ARHGAP11A: variants seen among roughly 807,000 people sequenced by gnomAD.
The protein encoded by ARHGAP11A is rho GTPase-activating protein 11A.
A neutral mutation model predicts 60.5 loss-of-function variants in ARHGAP11A; 36 were observed. The observed-to-expected ratio is 0.59, with a 90% CI of 0.46 to 0.79. The LOEUF (loss-of-function observed/expected upper bound fraction) is 0.79. ARHGAP11A is among the 30% of genes least tolerant of loss of function. ARHGAP11A has a pLI of 0.00. For missense variants in ARHGAP11A, 1,071 were observed against 1,199.2 expected, an observed-to-expected ratio of 0.89 and a Z score of 1.58; for synonymous variants, 362 against 415.5, an observed-to-expected ratio of 0.87 and a Z score of 1.57.
intron 8 of ARHGAP11A, among the ~76,000 whole-genome samples, chr15:32,631,976 G>A (rs571460044): frequency 1.3e-5 from 2 of 152,186 alleles, no homozygotes; most frequent in South Asian, 4.1e-4. Context: ...TGCCTGGCCG[G>A]ACACATTTTT....
Position 32,637,935 on chromosome 15 carries a change from G to A in ARHGAP11A, c.*90G>A, listed in dbSNP as rs2140481865. ...ATGTACATGTTAGTTTGTAGCTCAG[G>A]ATGATTGTTAAGCAATAGATTTGCT... is the stretch of plus-strand genomic sequence containing the variant. On this transcript the variant is annotated 3_prime_UTR_variant, in exon 12 of 12. Coordinates refer to ENST00000361627, the MANE Select transcript of ARHGAP11A (RefSeq NM_014783.6). 3 of 1,143,666 alleles carry A rather than the reference G, an allele frequency of 2.6e-6. No individual in the cohort carries two copies. The highest frequency in any genetic ancestry group is 1.7e-5 in the South Asian group (1 of 58,934). The allele number at this position is 1,143,666 out of a possible 1,614,324, so 70.8% of individuals were successfully genotyped here.
intron 8 of ARHGAP11A, among the ~76,000 whole-genome samples, chr15:32,632,115 T>C (rs920949523): frequency 5.9e-5 from 9 of 152,242 alleles, no homozygotes; most frequent in Admixed American, 1.3e-4. Flanking sequence ...TTTTCCGTTT[T>C]CATAATTGAA....
Position 32,629,288 on chromosome 15 carries a change from A to T in ARHGAP11A, c.938-307A>T, listed in dbSNP as rs1238704681. 1.1e-4 allele frequency among the ~76,000 whole-genome samples: 16 copies of T among 146,610 alleles called. No homozygotes were observed. In the Admixed American group the frequency reaches 1.1e-3, roughly 10 times the overall value. On this transcript the variant is annotated intron_variant, in intron 7 of 11. Coordinates refer to ENST00000361627, the MANE Select transcript of ARHGAP11A (RefSeq NM_014783.6). ...TAATATTTAGATTAGTTTTTGTTTCAACTCCTTGATTGTAATTTCTTCCTT... is the reference window on the plus strand; with the variant it reads ...TAATATTTAGATTAGTTTTTGTTTCTACTCCTTGATTGTAATTTCTTCCTT...
At chr15:32,635,943 T>G (rs759126816) in intron 11 of ARHGAP11A, 28 bp downstream of exon 11, 2 of 1,557,722 alleles carry the variant, frequency 1.3e-6, no homozygotes. Context: ...TGTTAGAGTT[T>G]TACCTAAAAA....
intron 6 of ARHGAP11A, among the ~76,000 whole-genome samples, chr15:32,625,903 C>T (rs958728814): frequency 6.6e-6 from 1 of 152,138 alleles, no homozygotes; most frequent in Non-Finnish European, 1.5e-5. Flanking sequence ...CAAACTGAAC[C>T]TTCTTGAATA....
At chr15:32,630,655 T>G (rs1032876712) in intron 8 of ARHGAP11A, among the ~76,000 whole-genome samples, 1 of 152,008 alleles carries the variant, frequency 6.6e-6, no homozygotes, top group Non-Finnish European at 1.5e-5. Flanking sequence ...CCAAAGCCTG[T>G]CTCTTTTTTC....
intron 7 of ARHGAP11A, among the ~76,000 whole-genome samples, chr15:32,629,307 C>A (rs2053536481): frequency 6.8e-6 from 1 of 146,362 alleles, no homozygotes; most frequent in Non-Finnish European, 1.5e-5. Context: ...ATTGTAATTT[C>A]TTCCTTACAT....
At chr15:32,621,455 G>A (rs2053303851) in intron 2 of ARHGAP11A, among the ~76,000 whole-genome samples, 1 of 152,200 alleles carries the variant, frequency 6.6e-6, no homozygotes, top group Non-Finnish European at 1.5e-5. Flanking sequence ...CTCCCAAAGT[G>A]CTAGGATTAC....
At position 32,617,268 on chromosome 15, in the gene ARHGAP11A, C is replaced by T. The variant is rs926037343; in HGVS notation, c.129+928C>T. 9.9e-5 allele frequency among the ~76,000 whole-genome samples: 15 copies of T among 152,006 alleles called. No homozygotes were observed. The East Asian group carries it at 2.7e-3, about 27-fold the overall frequency. On this transcript the variant is annotated intron_variant, in intron 1 of 11. Coordinates refer to ENST00000361627, the MANE Select transcript of ARHGAP11A (RefSeq NM_014783.6). Reference sequence around the variant, plus strand: ...ACCACTAACAAAAGTAATATGTGTGCCTCTTAATCGCTGATAAACTTTGGA... The same window carrying T: ...ACCACTAACAAAAGTAATATGTGTGTCTCTTAATCGCTGATAAACTTTGGA...
In ARHGAP11A at chr15:32,625,612, A is replaced by C. The variant is rs370215647; in HGVS notation, c.841A>C (p.Lys281Gln). The part of the protein sequence containing the change: ...EYETPGEYKR[K>Q]RRQSVGDFVS... ...TGAAACTCCTGGTGAATATAAGAGA[A>C]AGAGAAGACAAAGTGTAGGAGGTAA... The change falls in exon 6 of 12, where the codon AAG becomes CAG. Residue 281 changes from lysine to glutamine, a missense_variant. Coordinates refer to ENST00000361627, the MANE Select transcript of ARHGAP11A (RefSeq NM_014783.6). 2 of 1,613,974 alleles carry C rather than the reference A, an allele frequency of 1.2e-6. No individual in the cohort carries two copies. The highest frequency in any genetic ancestry group is 1.7e-6 in the Non-Finnish European group (2 of 1,179,840).
intron 1 of ARHGAP11A, 93 bp downstream of exon 1, chr15:32,616,433 G>A: frequency 6.4e-7 from 1 of 1,564,084 alleles, no homozygotes; most frequent in Admixed American, 1.8e-5. Flanking sequence ...TTCACTCTGT[G>A]TATCAAAAAG....
chr15:32,636,344 C>CTAA lies in ARHGAP11A; in HGVS notation c.1576_1578dup (p.Asn526dup), dbSNP rs1368480931. 1.2e-6 allele frequency: 2 copies of CTAA among 1,613,846 alleles called. No individual in the cohort carries two copies. The highest frequency in any genetic ancestry group is 1.7e-6 in the Non-Finnish European group (2 of 1,179,958). Reference sequence around the variant, plus strand: ...AATTACCGGATGTCTTGGACAGGACCTAATAATTCAAGTTTTCAAGAAGTA... The same window carrying CTAA: ...AATTACCGGATGTCTTGGACAGGACCTAATAATAATTCAAGTTTTCAAGAAGTA... On this transcript the variant is annotated inframe_insertion, in exon 12 of 12. Transcript: ENST00000361627.
At position 32,634,034 on chromosome 15, in the gene ARHGAP11A, GA is replaced by G; in HGVS notation, c.1338del (p.Glu447LysfsTer2). On this transcript the variant is annotated frameshift_variant, in exon 10 of 12. Coordinates refer to ENST00000361627, the MANE Select transcript of ARHGAP11A (RefSeq NM_014783.6). LOFTEE classifies it high-confidence loss of function. Reference sequence around the variant, plus strand: ...AAATTCAATCTAGGGAAAAATGGCAGAGAAGTAGTAAGTTTCTTACCATTTT... The same window carrying G: ...AAATTCAATCTAGGGAAAAATGGCAGGAAGTAGTAAGTTTCTTACCATTTT... Reference protein sequence around the residue: ...RLKFNLGKNGREVNGCSGVNR... With the variant: ...RLKFNLGKNGXEVNGCSGVNR... 1 of 1,598,786 alleles carries G rather than the reference GA, an allele frequency of 6.3e-7. No individual in the cohort carries two copies. The highest frequency in any genetic ancestry group is 8.5e-7 in the Non-Finnish European group (1 of 1,172,756).
rs558872865 is a variant in ARHGAP11A at position 32,632,273 on chromosome 15, C to T, written c.1106-706C>T. On this transcript the variant is annotated intron_variant, in intron 8 of 11. Coordinates refer to ENST00000361627, the MANE Select transcript of ARHGAP11A (RefSeq NM_014783.6). ...TTGTTCATAACTATTTTACTTCTTT[C>T]GTAATTGTTTACTATAGTTGATTTC... 7.3e-4 allele frequency among the ~76,000 whole-genome samples: 109 copies of T among 149,634 alleles called. 1 individual carries two copies. The highest frequency in any genetic ancestry group is 2.0e-4 in the East Asian group (1 of 5,024).
rs1337255180 is a variant in ARHGAP11A at position 32,638,100 on chromosome 15, T to C, written c.*255T>C. The C allele has an allele frequency of 7.8e-6, 3 of 384,606 alleles. No homozygotes were observed. Among genetic ancestry groups the C allele is most frequent in the East Asian group, 4.6e-5 (1 of 21,694 alleles). The allele number at this position is 384,606 out of a possible 1,614,324, so 23.8% of individuals were successfully genotyped here. A position where few individuals can be genotyped will look rare whatever the true frequency, so the allele number is the denominator to read the frequency against. ...ATCTCTTAAAGCAGAGGTTAGACTT[T>C]ACCTTTCTGACTCTGTCGTCCAGGC... On this transcript the variant is annotated 3_prime_UTR_variant, in exon 12 of 12. Transcript: ENST00000361627.
intron 9 of ARHGAP11A, 130 bp from the exon 10 acceptor site, chr15:32,633,803 T>C: frequency 1.6e-6 from 1 of 609,652 alleles, no homozygotes; most frequent in East Asian, 3.0e-5. Flanking sequence ...TGAACTGTTT[T>C]TAAAGAATTA....
At chr15:32,621,219 T>A (rs1363793980) in intron 2 of ARHGAP11A, among the ~76,000 whole-genome samples, 1 of 133,562 alleles carries the variant, frequency 7.5e-6, no homozygotes, top group Non-Finnish European at 1.6e-5. Context: ...GACAAGAGTT[T>A]CACTCTTGTC....
At chr15:32,617,576 A>C (rs1233005448) in intron 1 of ARHGAP11A, among the ~76,000 whole-genome samples, 1 of 142,906 alleles carries the variant, frequency 7.0e-6, no homozygotes, top group Non-Finnish European at 1.5e-5. Flanking sequence ...GGTTCACGCC[A>C]TTCTCCTGCC....
intron 1 of ARHGAP11A, 59 bp downstream of exon 1, chr15:32,616,399 T>G: frequency 6.2e-7 from 1 of 1,609,866 alleles, no homozygotes. Context: ...TTATCATCAC[T>G]TACTACCAGA....
Sources: gnomAD v4.1 joint callset for allele counts (sites outside exome capture counted in the v4.1 genomes callset) on GRCh38, gnomAD v4.1.1 for gene constraint, MANE v1.5 for transcripts, NCBI Gene and HGNC (gene_info 2026-07-23, HGNC 2026-07-21) for gene names.